Variants in SEMA4A observed in about 807,000 individuals in gnomAD.
SEMA4A encodes semaphorin 4A.
In SEMA4A, 52 loss-of-function variants were observed where a neutral mutation model predicts 72.5. The ratio of observed to expected loss-of-function variants is 0.72; its 90% CI spans 0.57 to 0.90. The LOEUF is 0.90. SEMA4A is among the 40% of genes least tolerant of loss of function. SEMA4A has a pLI of 0.00. For missense variants in SEMA4A, 926 were observed against 959.7 expected, an observed-to-expected ratio of 0.96 and a Z score of 0.46; for synonymous variants, 369 against 393.1, an observed-to-expected ratio of 0.94 and a Z score of 0.73.
Position 156,176,921 on chromosome 1 carries a change from A to C in SEMA4A, c.2210A>C (p.Gln737Pro). The C allele has an allele frequency of 5.6e-6, 9 of 1,614,220 alleles. No individual in the cohort carries two copies. Among genetic ancestry groups the C allele is most frequent in the Non-Finnish European group, 7.6e-6 (9 of 1,180,036 alleles). ...KAPLSREQHLQSPKECRTSAS... is the reference protein window; with the variant it reads ...KAPLSREQHLPSPKECRTSAS... ...CCGTTAAGCAGAGAGCAACACCTCC[A>C]GTCTCCCAAGGAATGCAGGACCTCT... Residue 737 changes from glutamine to proline, a missense_variant, in exon 15 of 15, where the codon CAG becomes CCG. Physicochemically the swap from Gln to Pro is moderately conservative, Grantham distance 76. Coordinates refer to ENST00000368285, the MANE Select transcript of SEMA4A (RefSeq NM_022367.4).
intron 10 of SEMA4A, among the ~76,000 whole-genome samples, chr1:156,165,018 C>CT (rs1465736746): frequency 2.6e-5 from 4 of 152,048 alleles, no homozygotes; most frequent in African/African-American, 9.7e-5. Flanking sequence ...CCAGACTGGT[C>CT]TCTAACTCCT....
At chr1:156,165,422 AG>A (rs1340659288) in intron 10 of SEMA4A, among the ~76,000 whole-genome samples, 2 of 152,042 alleles carry the variant, frequency 1.3e-5, no homozygotes, top group African/African-American at 4.8e-5. Flanking sequence ...TTCCTGGAAA[AG>A]GATACATGGC....
At position 156,161,747 on chromosome 1, in the gene SEMA4A, C is replaced by T. The variant is rs1265617544; in HGVS notation, c.983+229C>T. The T allele has an allele frequency of 1.4e-4, 72 of 530,318 alleles. No individual in the cohort carries two copies. In the Admixed American group the frequency reaches 2.5e-3, roughly 19 times the overall value. 32.9% of individuals were successfully genotyped at this position (530,318 alleles called of 1,614,324 possible). A position where few individuals can be genotyped will look rare whatever the true frequency, so the allele number is the denominator to read the frequency against. ...AACTAGTTTATATTCTGCCTAGTTC[C>T]AAAAGGGATAGGAAGCATTTTACAA... On this transcript the variant is annotated intron_variant, in intron 9 of 14. Coordinates refer to ENST00000368285, the MANE Select transcript of SEMA4A (RefSeq NM_022367.4).
upstream of SEMA4A, among the ~76,000 whole-genome samples, chr1:156,153,060 T>C (rs1039989961): frequency 7.2e-5 from 11 of 152,200 alleles, no homozygotes; most frequent in Admixed American, 2.6e-4. Context: ...CTGGGCTTTC[T>C]ACTGGCCTGA....
chr1:156,170,726 C>A (rs1467354797), intron 10 of SEMA4A, among the ~76,000 whole-genome samples: 3 of 151,156 alleles, frequency 2.0e-5, no homozygotes, highest in African/African-American at 7.3e-5. Flanking sequence ...TGCACTCCAG[C>A]CTGGGAGACA....
At chr1:156,161,656 C>A in intron 9 of SEMA4A, 138 bp downstream of exon 9, 1 of 839,042 alleles carries the variant, frequency 1.2e-6, no homozygotes, top group Non-Finnish European at 1.9e-6. Flanking sequence ...TAAATCGTCA[C>A]CACCTCTCAG....
At position 156,160,565 on chromosome 1, in the gene SEMA4A, G is replaced by C. The variant is rs1308664058; in HGVS notation, c.685+6G>C. ...CTTCCTCCGCTGGCTGCATCGTAAG[G>C]ACCTGACCCCCGCTGGCCTCCTTTC... On this transcript the variant is annotated splice_donor_region_variant and intron_variant, in intron 7 of 14. Coordinates refer to ENST00000368285, the MANE Select transcript of SEMA4A (RefSeq NM_022367.4). 2 of 1,612,122 alleles carry C rather than the reference G, an allele frequency of 1.2e-6. No individual in the cohort carries two copies. The highest frequency in any genetic ancestry group is 2.7e-5 in the African/African-American group (2 of 74,996).
chr1:156,156,705 T>A, intron 3 of SEMA4A, 131 bp downstream of exon 3: 1 of 850,634 alleles, frequency 1.2e-6, no homozygotes, highest in Non-Finnish European at 1.9e-6. Flanking sequence ...TTTATATGTA[T>A]ATCGTGACAA....
At chr1:156,171,778 A>ATTT (rs1558159866) in intron 10 of SEMA4A, among the ~76,000 whole-genome samples, 6 of 149,312 alleles carry the variant, frequency 4.0e-5, no homozygotes, top group East Asian at 3.9e-4. Context: ...TTAATTAATT[A>ATTT]ATTAATTTAT....
At chr1:156,163,979 A>G (rs538976001) in intron 10 of SEMA4A, among the ~76,000 whole-genome samples, 157 of 150,772 alleles carry the variant, frequency 1.0e-3, no homozygotes, top group African/African-American at 3.6e-3. Context: ...GCAGTAAGCT[A>G]TGATCACGAG....
rs929959847 is a variant in SEMA4A, at chr1:156,177,154, G to C, written c.*157G>C. 5.5e-6 allele frequency: 4 copies of C among 732,476 alleles called. No homozygotes were observed. Among genetic ancestry groups the C allele is most frequent in the Non-Finnish European group, 9.6e-6 (4 of 417,994 alleles). The allele number at this position is 732,476 out of a possible 1,614,324, so 45.4% of individuals were successfully genotyped here. On this transcript the variant is annotated 3_prime_UTR_variant, in exon 15 of 15. Coordinates refer to ENST00000368285, the MANE Select transcript of SEMA4A (RefSeq NM_022367.4). ...CTGCATCACTGATGACACTCAGCAG[G>C]GTGATGCACAGCAGTCTGCCTCCCC...
chr1:156,155,236 GTTTC>G (rs1652903647), intron 2 of SEMA4A: 1 of 159,196 alleles, frequency 6.3e-6, no homozygotes, highest in Admixed American at 6.0e-5. Context: ...AGCTTGGCTG[GTTTC>G]TTACTGAGAC....
In SEMA4A at chr1:156,158,434, C is replaced by A. The variant is rs755172442; in HGVS notation, c.410C>A (p.Thr137Asn). 6.2e-7 allele frequency: 1 copy of A among 1,614,108 alleles called. No homozygotes were observed. The highest frequency in any genetic ancestry group is 1.7e-5 in the Admixed American group (1 of 60,024). Residue 137 changes from threonine (T) to asparagine (N), a missense_variant, in exon 5 of 15, where the codon ACC (threonine) becomes AAC (asparagine). Transcript: ENST00000368285. The stretch of plus-strand genomic sequence containing the variant: ...CGTGTCCTGGTTTCTTACAATGTCA[C>A]CCATCTCTACACCTGCGGCACCTTC... ...FIRVLVSYNV[T>N]HLYTCGTFAF...
chr1:156,150,492 A>G (rs2102919439), upstream of SEMA4A, among the ~76,000 whole-genome samples: 1 of 152,156 alleles, frequency 6.6e-6, no homozygotes, highest in Non-Finnish European at 1.5e-5. Context: ...TCAGGAGGCA[A>G]TGTTCCCCAG....
At chr1:156,161,122 C>T in intron 8 of SEMA4A, 93 bp downstream of exon 8, 1 of 872,406 alleles carries the variant, frequency 1.1e-6, no homozygotes, top group Admixed American at 2.6e-5. Context: ...CCAGTGAGAG[C>T]GGGGGAGCGG....
chr1:156,153,955 C>T (rs369463758), intron 1 of SEMA4A, among the ~76,000 whole-genome samples, 191 bp downstream of exon 1: 1 of 152,152 alleles, frequency 6.6e-6, no homozygotes, highest in Non-Finnish European at 1.5e-5. Context: ...CATTGCCTCC[C>T]TGGAAGTATC....
At chr1:156,172,597 G>A (rs185723718) in intron 10 of SEMA4A, among the ~76,000 whole-genome samples, 1 of 152,194 alleles carries the variant, frequency 6.6e-6, no homozygotes, top group Non-Finnish European at 1.5e-5. Context: ...TTTTCCCAGC[G>A]AGCCTATGAG....
intron 14 of SEMA4A, 92 bp downstream of exon 14, chr1:156,175,748 G>A: frequency 1.1e-6 from 1 of 902,494 alleles, no homozygotes; most frequent in Non-Finnish European, 1.8e-6. Context: ...TCCTCCCCCA[G>A]CACCTGCCTG....
At chr1:156,154,881 G>T in intron 2 of SEMA4A, 164 bp downstream of exon 2, 3 of 929,372 alleles carry the variant, frequency 3.2e-6, no homozygotes, top group Non-Finnish European at 3.1e-6. Context: ...GAGAGACACA[G>T]CCAGAAACAG....
Sources: gnomAD v4.1 joint callset for allele counts (sites outside exome capture counted in the v4.1 genomes callset) on GRCh38, gnomAD v4.1.1 for gene constraint, MANE v1.5 for transcripts, NCBI Gene and HGNC (gene_info 2026-07-23, HGNC 2026-07-21) for gene names.